PTGIS: variants seen among roughly 807,000 people sequenced by gnomAD.
PTGIS encodes prostacyclin synthase.
Under a neutral mutation model 50.3 loss-of-function variants are expected in PTGIS, and 45 were observed. That is an observed-to-expected ratio of 0.90 (90% CI 0.70 to 1.15). The LOEUF (loss-of-function observed/expected upper bound fraction) is 1.15, where lower values mean the gene tolerates loss of function less well. Among genes scored for constraint, PTGIS ranks in the 50% most tolerant of loss-of-function variants. The probability of loss-of-function intolerance (pLI) is 0.00; values close to 1 mark genes in which losing one functional copy is unlikely to be tolerated. For synonymous variants in PTGIS, 260 were observed against 267.7 expected, an observed-to-expected ratio of 0.97 and a Z score of 0.28; for missense variants, 668 against 661.3, an observed-to-expected ratio of 1.01 and a Z score of -0.11.
chr20:49,528,447 AACAAAAAT>A (rs1326077046), intron 5 of PTGIS, among the ~76,000 whole-genome samples: 2 of 152,108 alleles, frequency 1.3e-5, no homozygotes, highest in African/African-American at 4.8e-5. Context: ...CCCCATCTCT[AACAAAAAT>A]ATAAAAATAC....
chr20:49,552,509 CTCTT>C (rs562795519), intron 1 of PTGIS, among the ~76,000 whole-genome samples: 16 of 152,172 alleles, frequency 1.1e-4, no homozygotes, highest in Non-Finnish European at 1.8e-4. Context: ...CTCTCTCTCC[CTCTT>C]TCTTTCTCTC....
chr20:49,550,689 A>T (rs371756763), intron 1 of PTGIS, among the ~76,000 whole-genome samples: 30 of 152,290 alleles, frequency 2.0e-4, no homozygotes, highest in African/African-American at 7.0e-4. Flanking sequence ...TGCTGCAGAG[A>T]ATCCCGAATC....
Position 49,511,151 on chromosome 20 carries a change from G to A in PTGIS, c.1235C>T (p.Pro412Leu). ...EVFKYNRFLN[P>L]DGSEKKDFYK... ...AAAGTCTTTCTTCTCTGATCCGTCA[G>A]GGTTCAGGAATCGGTTGTATTTAAA... The change falls in exon 9 of 10, where the codon CCT (proline) becomes CTT (leucine). Residue 412 changes from proline to leucine, a missense_variant. Coordinates refer to ENST00000244043, the MANE Select transcript of PTGIS (RefSeq NM_000961.4). 2 of 1,614,196 alleles carry A rather than the reference G, an allele frequency of 1.2e-6. No individual in the cohort carries two copies. The highest frequency in any genetic ancestry group is 1.1e-5 in the South Asian group (1 of 91,080).
intron 5 of PTGIS, among the ~76,000 whole-genome samples, chr20:49,538,661 G>GCATT (rs1982144828): frequency 6.8e-6 from 1 of 147,184 alleles, no homozygotes; most frequent in Non-Finnish European, 1.5e-5. Context: ...ACTTCTCAGT[G>GCATT]CATTTATTTA....
intron 4 of PTGIS, among the ~76,000 whole-genome samples, chr20:49,541,718 A>G (rs560107438): frequency 1.6e-4 from 25 of 152,150 alleles, no homozygotes; most frequent in Non-Finnish European, 3.4e-4. Context: ...TGGGCGAAAG[A>G]GCGAAACTTT....
At chr20:49,516,293 C>T (rs1339003046) in intron 6 of PTGIS, among the ~76,000 whole-genome samples, 1 of 151,986 alleles carries the variant, frequency 6.6e-6, no homozygotes, top group Non-Finnish European at 1.5e-5. Context: ...AATGGACACA[C>T]TAATTTTAAG....
chr20:49,513,059 C>T, intron 8 of PTGIS, 21 bp downstream of exon 8: 6 of 1,613,996 alleles, frequency 3.7e-6, no homozygotes, highest in Non-Finnish European at 5.1e-6. Context: ...CCCCATATGA[C>T]CAGGCGCCCC....
chr20:49,545,982 T>C (rs759464007), intron 3 of PTGIS, among the ~76,000 whole-genome samples: 7 of 152,152 alleles, frequency 4.6e-5, no homozygotes, highest in Non-Finnish European at 1.0e-4. Flanking sequence ...GTTTGGGATG[T>C]TCAAGTTGGA....
At chr20:49,559,501 G>A (rs1315181007) in intron 1 of PTGIS, among the ~76,000 whole-genome samples, 1 of 152,158 alleles carries the variant, frequency 6.6e-6, no homozygotes, top group African/African-American at 2.4e-5. Flanking sequence ...ACCGCTTTCG[G>A]GTGACAGCAG....
At chr20:49,519,740 C>T (rs914543418) in intron 6 of PTGIS, among the ~76,000 whole-genome samples, 4 of 152,158 alleles carry the variant, frequency 2.6e-5, no homozygotes, top group African/African-American at 7.2e-5. Context: ...TTCCTCCTCC[C>T]GCCATCTCCC....
chr20:49,540,609 G>C lies in PTGIS; in HGVS notation c.522-888C>G, dbSNP rs1469407248. On this transcript the variant is annotated intron_variant, in intron 4 of 9. Transcript: ENST00000244043. This position sits in a 1 kb window ranked among gnomAD's most constrained non-coding sequence, Gnocchi z 4.8. ...CAGGGCCTGGTCAAGTGTGAAAAAG[G>C]GTAAGACATGGGAGCTAGCATGAGC... 6.6e-6 allele frequency among the ~76,000 whole-genome samples: 1 copy of C among 151,680 alleles called. No homozygotes were observed. Among genetic ancestry groups the C allele is most frequent in the Non-Finnish European group, 1.5e-5 (1 of 67,994 alleles).
At chr20:49,514,077 C>A in intron 7 of PTGIS, 150 bp downstream of exon 7, 1 of 873,876 alleles carries the variant, frequency 1.1e-6, no homozygotes, top group Non-Finnish European at 1.8e-6. Flanking sequence ...ATGGAGATGC[C>A]AGGTGTGTGA....
At chr20:49,557,623 A>C (rs1002182209) in intron 1 of PTGIS, among the ~76,000 whole-genome samples, 1 of 152,122 alleles carries the variant, frequency 6.6e-6, no homozygotes, top group Non-Finnish European at 1.5e-5. Context: ...GGGAGAAAGG[A>C]AAATAAAAAC....
rs762278872 is a variant in PTGIS, at chr20:49,540,670, C to T, written c.522-949G>A. ...TCTCACTGAGGCACACTTACGCACA[C>T]GCACACGCACACACACAGGACCACG... On this transcript the variant is annotated intron_variant, in intron 4 of 9. Coordinates refer to ENST00000244043, the MANE Select transcript of PTGIS (RefSeq NM_000961.4). The surrounding 1 kb of genome is among the most constrained non-coding windows in gnomAD (Gnocchi z 4.8). Among the ~76,000 whole-genome samples the T allele has an allele frequency of 1.3e-4, 20 of 152,162 alleles. No individual in the cohort carries two copies. The highest frequency in any genetic ancestry group is 3.4e-4 in the African/African-American group (14 of 41,434).
intron 6 of PTGIS, among the ~76,000 whole-genome samples, chr20:49,520,118 T>C (rs1981609999): frequency 1.3e-5 from 2 of 152,224 alleles, no homozygotes; most frequent in South Asian, 4.1e-4. Context: ...CAGGGACCTG[T>C]GTGGTCCGGC....
chr20:49,555,431 T>C lies in PTGIS; in HGVS notation c.75-5242A>G, dbSNP rs116333345. ...TGACAAACTTTCCAAAATAAAATAG[T>C]CAATTCAGTCCTTTTGACCTCATTA... On this transcript the variant is annotated intron_variant, in intron 1 of 9. Coordinates refer to ENST00000244043, the MANE Select transcript of PTGIS (RefSeq NM_000961.4). Among the ~76,000 whole-genome samples the C allele has an allele frequency of 8.4e-3, 1,281 of 152,304 alleles. 17 individuals carry two copies. Among genetic ancestry groups the C allele is most frequent in the African/African-American group, 0.03 (1,234 of 41,566 alleles).
At chr20:49,537,375 C>T (rs1289158552) in intron 5 of PTGIS, among the ~76,000 whole-genome samples, 2 of 152,176 alleles carry the variant, frequency 1.3e-5, no homozygotes, top group Non-Finnish European at 2.9e-5. Context: ...TTTTACAAAT[C>T]GATGTGGAAA....
At chr20:49,531,446 A>G (rs1376479704) in intron 5 of PTGIS, among the ~76,000 whole-genome samples, 1 of 152,204 alleles carries the variant, frequency 6.6e-6, no homozygotes, top group African/African-American at 2.4e-5. Flanking sequence ...GCACATTTAT[A>G]CAATTCACTA....
At chr20:49,534,308 T>G (rs886287382) in intron 5 of PTGIS, among the ~76,000 whole-genome samples, 5 of 152,230 alleles carry the variant, frequency 3.3e-5, no homozygotes, top group Non-Finnish European at 5.9e-5. Flanking sequence ...TTCAGCAGGT[T>G]CTGCCAAAAG....
Sources: gnomAD v4.1 joint callset for allele counts (sites outside exome capture counted in the v4.1 genomes callset) on GRCh38, gnomAD v4.1.1 for gene constraint, Gnocchi (gnomAD v3.1) non-coding constraint, MANE v1.5 for transcripts, NCBI Gene and HGNC (gene_info 2026-07-23, HGNC 2026-07-21) for gene names.